The following IL34 variants were observed in gnomAD, a reference collection of about 807,000 sequenced individuals.
IL34 encodes interleukin 34.
A neutral mutation model predicts 25.3 loss-of-function variants in IL34; 17 were observed. That is an observed-to-expected ratio of 0.67 (90% CI 0.46 to 1.01). The LOEUF (loss-of-function observed/expected upper bound fraction) is 1.01. Among genes scored for constraint, IL34 ranks in the 50% least tolerant of loss-of-function variants. The probability of loss-of-function intolerance (pLI) is 0.00; values close to 1 mark genes in which losing one functional copy is unlikely to be tolerated. For missense variants in IL34, 368 were observed against 312.9 expected (o/e 1.18, Z -1.33); for synonymous variants, 174 against 140.9 (o/e 1.23, Z -1.66).
At chr16:70,581,522 G>A (rs1262432250) in intron 1 of IL34, among the ~76,000 whole-genome samples, 3 of 151,838 alleles carry the variant, frequency 2.0e-5, no homozygotes, top group Non-Finnish European at 2.9e-5. Flanking sequence ...CTCAGCTCAC[G>A]GTATGTGTGG....
At chr16:70,610,092 C>T (rs1036072745) in intron 1 of IL34, among the ~76,000 whole-genome samples, 6 of 152,108 alleles carry the variant, frequency 3.9e-5, no homozygotes, top group Non-Finnish European at 5.9e-5. Context: ...ATCCCAGCCA[C>T]TCTGGAGGCT....
upstream of IL34, among the ~76,000 whole-genome samples, chr16:70,643,353 T>C (rs2051832260): frequency 6.6e-6 from 1 of 151,896 alleles, no homozygotes; most frequent in South Asian, 2.1e-4. Context: ...AGTGAGCCAC[T>C]GCACCTGGCT....
At chr16:70,592,995 C>CT (rs1022121317) in intron 1 of IL34, among the ~76,000 whole-genome samples, 7 of 151,890 alleles carry the variant, frequency 4.6e-5, no homozygotes, top group Non-Finnish European at 4.4e-5. Context: ...TATTCTTTTT[C>CT]TTTTTTTAAT....
chr16:70,631,558 A>G (rs1222509674), intron 1 of IL34, among the ~76,000 whole-genome samples: 1 of 152,200 alleles, frequency 6.6e-6, no homozygotes, highest in Non-Finnish European at 1.5e-5. Context: ...GTTTTGGAGG[A>G]TGTCCCAATG....
At chr16:70,628,560 C>A (rs2051447658) in intron 1 of IL34, among the ~76,000 whole-genome samples, 2 of 150,976 alleles carry the variant, frequency 1.3e-5, no homozygotes, top group Non-Finnish European at 2.9e-5. Context: ...GATCTTGGCT[C>A]ACTGCAATCT....
upstream of IL34, among the ~76,000 whole-genome samples, chr16:70,642,068 G>C (rs955132495): frequency 2.6e-5 from 4 of 152,136 alleles, no homozygotes; most frequent in Non-Finnish European, 4.4e-5. Flanking sequence ...ACCATAGACC[G>C]GGTGGCTTAA....
intron 1 of IL34, among the ~76,000 whole-genome samples, chr16:70,634,819 T>C (rs1802427379): frequency 6.6e-6 from 1 of 152,188 alleles, no homozygotes; most frequent in South Asian, 2.1e-4. Flanking sequence ...TGCATTCAAA[T>C]AGCTGGAATT....
chr16:70,615,225 C>G (rs1420454197), intron 1 of IL34, among the ~76,000 whole-genome samples: 1 of 152,194 alleles, frequency 6.6e-6, no homozygotes, highest in Non-Finnish European at 1.5e-5. Flanking sequence ...TAAAGATACA[C>G]TGGCCAGGTG....
chr16:70,604,906 A>G (rs1328283462), intron 1 of IL34, among the ~76,000 whole-genome samples: 1 of 151,696 alleles, frequency 6.6e-6, no homozygotes, highest in African/African-American at 2.4e-5. Context: ...GTGTGCATGC[A>G]TGTGTGTGTG....
intron 1 of IL34, among the ~76,000 whole-genome samples, chr16:70,620,743 A>C (rs986015222): frequency 6.6e-6 from 1 of 152,178 alleles, no homozygotes; most frequent in Admixed American, 6.5e-5. Flanking sequence ...AGGATGGAAA[A>C]ATTCAAAGTG....
intron 1 of IL34, among the ~76,000 whole-genome samples, chr16:70,609,292 T>C (rs1202063985): frequency 2.0e-5 from 3 of 152,120 alleles, no homozygotes; most frequent in Non-Finnish European, 4.4e-5. Flanking sequence ...TTGGCCAGGA[T>C]GGTCTTGAAC....
chr16:70,632,033 T>A (rs1369483081), intron 1 of IL34, among the ~76,000 whole-genome samples: 5 of 149,352 alleles, frequency 3.3e-5, no homozygotes, highest in African/African-American at 1.2e-4. Context: ...CCTGGGGAGG[T>A]CAAGGCTGCA....
chr16:70,638,265 C>A lies in IL34; in HGVS notation c.-400-8283C>A, dbSNP rs796523990. Among the ~76,000 whole-genome samples the A allele has an allele frequency of 5.3e-5, 8 of 152,140 alleles. No individual in the cohort carries two copies. The East Asian group carries it at 1.2e-3, about 22-fold the overall frequency. ...GCCAAGGTAGGAGGACCACTTGAGC[C>A]TGGGAGTTCAAGACCAGCCTGGGCA... On this transcript the variant is annotated intron_variant, in intron 1 of 6. Transcript: ENST00000429149.
chr16:70,605,887 G>C (rs2050995375), intron 1 of IL34, among the ~76,000 whole-genome samples: 1 of 150,992 alleles, frequency 6.6e-6, no homozygotes, highest in South Asian at 2.1e-4. Context: ...GGCCAGGCTG[G>C]TCTCAACCTC....
At chr16:70,624,567 T>A (rs112143105) in intron 1 of IL34, among the ~76,000 whole-genome samples, 2,095 of 152,204 alleles carry the variant, frequency 0.014, 12 homozygotes, top group African/African-American at 0.044. Flanking sequence ...GCCAAACAAG[T>A]CATGAACTGG....
At chr16:70,638,201 G>C (rs979834507) in intron 1 of IL34, among the ~76,000 whole-genome samples, 4 of 152,126 alleles carry the variant, frequency 2.6e-5, no homozygotes, top group African/African-American at 9.7e-5. Flanking sequence ...ATCAGACTGG[G>C]CGCGATGGCT....
chr16:70,632,485 C>T (rs1190268395), intron 1 of IL34, among the ~76,000 whole-genome samples: 1 of 152,152 alleles, frequency 6.6e-6, no homozygotes, highest in African/African-American at 2.4e-5. Context: ...TTGGGGAACA[C>T]ATCTGTGAAT....
intron 1 of IL34, chr16:70,654,272 G>T (rs1010661050): frequency 9.5e-6 from 3 of 315,600 alleles, no homozygotes; most frequent in African/African-American, 2.1e-5. Flanking sequence ...ACCAGACGTC[G>T]ACCCTGAGGC....
intron 1 of IL34, among the ~76,000 whole-genome samples, chr16:70,631,304 C>T (rs1442362233): frequency 1.3e-5 from 2 of 152,174 alleles, no homozygotes; most frequent in Non-Finnish European, 2.9e-5. Context: ...CCTAAGTCTC[C>T]TTTCCTGCAG....
Sources: gnomAD v4.1 joint callset for allele counts (sites outside exome capture counted in the v4.1 genomes callset) on GRCh38, gnomAD v4.1.1 for gene constraint, MANE v1.5 for transcripts, NCBI Gene and HGNC (gene_info 2026-07-23, HGNC 2026-07-21) for gene names.